Variants in XRCC2 observed in about 807,000 individuals in gnomAD.
XRCC2 encodes the protein X-ray repair cross complementing 2.
A neutral mutation model predicts 27.3 loss-of-function variants in XRCC2; 24 were observed. That is an observed-to-expected ratio of 0.88 (90% CI 0.64 to 1.24). XRCC2 has a LOEUF of 1.24. Among genes scored for constraint, XRCC2 ranks in the 50% most tolerant of loss-of-function variants. XRCC2 has a pLI of 0.00. For missense variants in XRCC2, 321 were observed against 325.8 expected (o/e 0.99, Z 0.11); for synonymous variants, 106 against 115.4 (o/e 0.92, Z 0.52).
Position 152,646,436 on chromosome 7 carries a change from C to T in XRCC2, c.*2206G>A, listed in dbSNP as rs759817366. 1 of 152,068 alleles carries T rather than the reference C, an allele frequency of 6.6e-6. No homozygotes were observed. The highest frequency in any genetic ancestry group is 1.5e-5 in the Non-Finnish European group (1 of 68,026). The allele number at this position is 152,068 out of a possible 1,614,324, so 9.4% of individuals were successfully genotyped here. On this transcript the variant is annotated 3_prime_UTR_variant, in exon 3 of 3. Transcript: ENST00000359321. ...TATGTTAGTTTGCTAAGGATAATAG[C>T]GTCCAGCTCCATCCATGTCCCTGGC...
chr7:152,658,276 G>A (rs907907499), intron 2 of XRCC2, among the ~76,000 whole-genome samples: 2 of 151,812 alleles, frequency 1.3e-5, no homozygotes, highest in African/African-American at 2.4e-5. Context: ...TCAGCCTCCC[G>A]AGTAGCTGGG....
intron 2 of XRCC2, among the ~76,000 whole-genome samples, chr7:152,652,535 C>T (rs2098028992): frequency 6.6e-6 from 1 of 152,174 alleles, no homozygotes; most frequent in South Asian, 2.1e-4. Flanking sequence ...TCAGACATAT[C>T]CTGTTTGCTC....
chr7:152,660,619 A>G, intron 2 of XRCC2, 82 bp downstream of exon 2: 1 of 1,117,752 alleles, frequency 8.9e-7, no homozygotes, highest in Non-Finnish European at 1.3e-6. Context: ...TCTTGTGAGG[A>G]GTATGTGTAT....
Position 152,646,780 on chromosome 7 carries a change from C to T in XRCC2, c.*1862G>A, listed in dbSNP as rs548931716. 1 of 152,310 alleles carries T rather than the reference C, an allele frequency of 6.6e-6. No homozygotes were observed. Among genetic ancestry groups the T allele is most frequent in the East Asian group, 1.9e-4 (1 of 5,186 alleles). 9.4% of individuals were successfully genotyped at this position (152,310 alleles called of 1,614,324 possible). On this transcript the variant is annotated 3_prime_UTR_variant, in exon 3 of 3. Transcript: ENST00000359321. The stretch of plus-strand genomic sequence containing the variant: ...GCATGAGCCACCACGCCCAGTCAGT[C>T]TTGTTCCTTTTTATGGCTGTATAGT...
chr7:152,663,355 A>T (rs1231095145), intron 1 of XRCC2, among the ~76,000 whole-genome samples: 1 of 100,036 alleles, frequency 1.0e-5, no homozygotes, highest in African/African-American at 3.1e-5. Flanking sequence ...GTAAAAAAAA[A>T]AAAAAAAAAA....
chr7:152,659,518 A>G (rs1036511345), intron 2 of XRCC2, among the ~76,000 whole-genome samples: 1 of 152,208 alleles, frequency 6.6e-6, no homozygotes, highest in African/African-American at 2.4e-5. Context: ...TTCTTCAAAG[A>G]TATACAATTT....
At chr7:152,655,613 G>A (rs1225413126) in intron 2 of XRCC2, among the ~76,000 whole-genome samples, 1 of 152,184 alleles carries the variant, frequency 6.6e-6, no homozygotes. Context: ...GGAGGCAGAG[G>A]TGCGAGGATC....
In XRCC2 at chr7:152,648,513, GAGTTCA is replaced by G; in HGVS notation, c.*123_*128del. The G allele has an allele frequency of 1.0e-6, 1 of 1,003,518 alleles. No homozygotes were observed. The highest frequency in any genetic ancestry group is 1.4e-6 in the Non-Finnish European group (1 of 708,790). The allele number at this position is 1,003,518 out of a possible 1,614,324, so 62.2% of individuals were successfully genotyped here. A position where few individuals can be genotyped will look rare whatever the true frequency, so the allele number is the denominator to read the frequency against. ...ACATAGGAGGATCCCTTGAGGCCAGGAGTTCAAGGCTGCAGTGAGCCATGATTGTGC... is the reference window on the plus strand; with the variant it reads ...ACATAGGAGGATCCCTTGAGGCCAGGAGGCTGCAGTGAGCCATGATTGTGC... On this transcript the variant is annotated 3_prime_UTR_variant, in exon 3 of 3. Transcript: ENST00000359321.
At chr7:152,668,549 AC>A (rs3218417) in intron 1 of XRCC2, among the ~76,000 whole-genome samples, 39,415 of 152,058 alleles carry the variant, frequency 0.26, 5,206 homozygotes, top group South Asian at 0.32. Context: ...GGTAAAGGGA[AC>A]CCAAGTAAAT....
chr7:152,671,718 C>A (rs1165396120), intron 1 of XRCC2, among the ~76,000 whole-genome samples: 1 of 152,076 alleles, frequency 6.6e-6, no homozygotes, highest in African/African-American at 2.4e-5. Context: ...TATAGTTAGA[C>A]CGGGTGCCCA....
chr7:152,665,200 C>T (rs2098035047), intron 1 of XRCC2, among the ~76,000 whole-genome samples: 1 of 152,166 alleles, frequency 6.6e-6, no homozygotes, highest in Non-Finnish European at 1.5e-5. Flanking sequence ...ACTTCAAAAA[C>T]CCTTCAGTCC....
intron 1 of XRCC2, among the ~76,000 whole-genome samples, chr7:152,667,405 CAAAAAA>C (rs60136474): frequency 6.5e-4 from 49 of 75,892 alleles, no homozygotes; most frequent in African/African-American, 3.2e-3. Flanking sequence ...AACTCCGTCT[CAAAAAA>C]AAAAAAAAAA....
At chr7:152,674,489 G>A (rs1485184482) in intron 1 of XRCC2, among the ~76,000 whole-genome samples, 1 of 151,536 alleles carries the variant, frequency 6.6e-6, no homozygotes, top group Non-Finnish European at 1.5e-5. Context: ...GCGTGTGCCT[G>A]TAATCCCAGC....
chr7:152,674,739 A>ATTTTTAAATATATATTATATAT (rs1590140190), intron 1 of XRCC2, among the ~76,000 whole-genome samples: 1 of 3,550 alleles, frequency 2.8e-4, no homozygotes, highest in African/African-American at 7.8e-4. Context: ...TATTATATAT[A>ATTTTTAAATATATATTATATAT]AATATATTTT....
chr7:152,665,038 T>G (rs2098034978), intron 1 of XRCC2, among the ~76,000 whole-genome samples: 1 of 152,050 alleles, frequency 6.6e-6, no homozygotes. Context: ...ATGGCAGTCG[T>G]GGCCCCTTTC....
At chr7:152,649,459 G>T in intron 2 of XRCC2, 96 bp from the exon 3 acceptor site, 1 of 1,401,252 alleles carries the variant, frequency 7.1e-7, no homozygotes, top group African/African-American at 1.4e-5. Flanking sequence ...GACACTTACT[G>T]GAATGTGAAA....
intron 1 of XRCC2, among the ~76,000 whole-genome samples, chr7:152,665,487 C>CTT (rs66692067): frequency 0.1 from 8,448 of 83,872 alleles, 952 homozygotes; most frequent in Middle Eastern, 0.17. Flanking sequence ...TAAGACAAAC[C>CTT]TTTTTTTTTT....
chr7:152,660,867 T>A, intron 1 of XRCC2, 85 bp from the exon 2 acceptor site: 1 of 1,223,336 alleles, frequency 8.2e-7, no homozygotes. Flanking sequence ...TCCGAAAGTC[T>A]GTAAGATTTC....
chr7:152,653,499 G>A (rs567356851), intron 2 of XRCC2, among the ~76,000 whole-genome samples: 3 of 152,160 alleles, frequency 2.0e-5, no homozygotes, highest in South Asian at 2.1e-4. Flanking sequence ...TCATTCTGTC[G>A]CCCAGGCAAG....
Sources: gnomAD v4.1 joint callset for allele counts (sites outside exome capture counted in the v4.1 genomes callset) on GRCh38, gnomAD v4.1.1 for gene constraint, MANE v1.5 for transcripts, NCBI Gene and HGNC (gene_info 2026-07-23, HGNC 2026-07-21) for gene names.